The following PXDNL variants were observed in gnomAD, a reference collection of about 807,000 sequenced individuals.
PXDNL encodes probable oxidoreductase PXDNL.
PXDNL carries 145 observed loss-of-function variants against 150.8 expected under a neutral mutation model. The ratio of observed to expected loss-of-function variants is 0.96; its 90% confidence interval spans 0.84 to 1.10. The LOEUF is 1.10. Among genes scored for constraint, PXDNL ranks in the 50% least tolerant of loss-of-function variants. PXDNL has a pLI of 0.00. For synonymous variants in PXDNL, 757 were observed against 725.7 expected (o/e 1.04, Z -0.69); for missense variants, 2,087 against 1,873.9 (o/e 1.11, Z -2.10).
chr8:51,767,223 C>T (rs1414600950), intron 1 of PXDNL, among the ~76,000 whole-genome samples: 1 of 151,904 alleles, frequency 6.6e-6, no homozygotes, highest in Non-Finnish European at 1.5e-5. Flanking sequence ...ATACTTTCCT[C>T]TTTCCTATAT....
At chr8:51,378,390 G>A (rs2130802408) in intron 17 of PXDNL, among the ~76,000 whole-genome samples, 1 of 152,276 alleles carries the variant, frequency 6.6e-6, no homozygotes, top group East Asian at 1.9e-4. Context: ...CTAATCTAGT[G>A]AGGACTTGGA....
chr8:51,448,256 G>A (rs998496000), intron 11 of PXDNL, among the ~76,000 whole-genome samples: 1 of 152,192 alleles, frequency 6.6e-6, no homozygotes, highest in Non-Finnish European at 1.5e-5. Flanking sequence ...GTGGGGCATA[G>A]GGGGTTAGAT....
chr8:51,340,472 T>TA (rs1805955533), intron 20 of PXDNL, among the ~76,000 whole-genome samples: 1 of 152,268 alleles, frequency 6.6e-6, no homozygotes, highest in South Asian at 2.1e-4. Flanking sequence ...CAAGTGCTCT[T>TA]ACGTTTTTCC....
chr8:51,703,114 T>G (rs1376091044), intron 1 of PXDNL, among the ~76,000 whole-genome samples: 1 of 152,212 alleles, frequency 6.6e-6, no homozygotes, highest in Admixed American at 6.5e-5. Flanking sequence ...GTATACTGTG[T>G]GCAAAGCTGC....
intron 17 of PXDNL, among the ~76,000 whole-genome samples, chr8:51,378,291 T>A (rs1807409691): frequency 6.6e-6 from 1 of 152,092 alleles, no homozygotes; most frequent in Admixed American, 6.5e-5. Flanking sequence ...ATCAGCACTC[T>A]GTGTCTAGCT....
rs757155223 is a variant in PXDNL, at chr8:51,644,145, C to A, written c.236+10544G>T. Among the ~76,000 whole-genome samples the A allele has an allele frequency of 5.2e-4, 77 of 149,174 alleles. 1 individual carries two copies. Among genetic ancestry groups the A allele is most frequent in the African/African-American group, 1.2e-3 (49 of 40,760 alleles). ...TGGGCAACAGCGTGAGACTCCATCT[C>A]AAAAAAATAAATAAATAAATAAAGT... is the stretch of plus-strand genomic sequence containing the variant. On this transcript the variant is annotated intron_variant, in intron 2 of 22. Transcript: ENST00000356297.
chr8:51,428,005 T>G (rs949867679), intron 12 of PXDNL, among the ~76,000 whole-genome samples: 4 of 152,178 alleles, frequency 2.6e-5, no homozygotes, highest in Non-Finnish European at 5.9e-5. Context: ...TACTCCAAAG[T>G]GAGTTCACCA....
At chr8:51,730,185 A>G (rs1816891477) in intron 1 of PXDNL, among the ~76,000 whole-genome samples, 2 of 135,432 alleles carry the variant, frequency 1.5e-5, no homozygotes, top group Admixed American at 1.6e-4. Context: ...CAGGGTATTG[A>G]CAGGGGGTAG....
chr8:51,579,555 C>A (rs1313304852), intron 3 of PXDNL, among the ~76,000 whole-genome samples: 1 of 151,912 alleles, frequency 6.6e-6, no homozygotes, highest in Non-Finnish European at 1.5e-5. Flanking sequence ...ACCAAACATC[C>A]AATTACCATG....
chr8:51,600,257 T>C (rs566542400), intron 2 of PXDNL, among the ~76,000 whole-genome samples: 2 of 133,328 alleles, frequency 1.5e-5, no homozygotes, highest in African/African-American at 2.9e-5. Context: ...TTATATCTCA[T>C]ATAAATTATA....
intron 6 of PXDNL, among the ~76,000 whole-genome samples, chr8:51,482,486 C>T (rs1810624952): frequency 6.6e-6 from 1 of 152,108 alleles, no homozygotes; most frequent in East Asian, 1.9e-4. Context: ...TTTGGGGGAC[C>T]GTTGGGAAGG....
At chr8:51,549,719 A>G (rs1055633018) in intron 4 of PXDNL, among the ~76,000 whole-genome samples, 2 of 145,462 alleles carry the variant, frequency 1.4e-5, no homozygotes, top group Admixed American at 7.0e-5. Context: ...AAATGCATAA[A>G]TCAAAAAATC....
In PXDNL at chr8:51,482,542, A is replaced by AG. The variant is rs935369071; in HGVS notation, c.524+1100dup. Among the ~76,000 whole-genome samples the AG allele has an allele frequency of 9.3e-4, 138 of 148,374 alleles. 2 individuals carry two copies. The highest frequency in any genetic ancestry group is 3.4e-3 in the African/African-American group (130 of 37,888). ...GAGGATATGAGATTTGGGAGGGGCC[A>AG]GGGGCGGAATGATATGGTTTGGCTG... On this transcript the variant is annotated intron_variant, in intron 6 of 22. Coordinates refer to ENST00000356297, the MANE Select transcript of PXDNL (RefSeq NM_144651.5).
chr8:51,679,795 G>C (rs1268113347), intron 1 of PXDNL, among the ~76,000 whole-genome samples: 1 of 152,098 alleles, frequency 6.6e-6, no homozygotes, highest in Non-Finnish European at 1.5e-5. Flanking sequence ...CCTGATAAGT[G>C]CTCATTTCAT....
At chr8:51,415,777 A>G (rs1300086098) in intron 14 of PXDNL, among the ~76,000 whole-genome samples, 1 of 152,140 alleles carries the variant, frequency 6.6e-6, no homozygotes, top group Non-Finnish European at 1.5e-5. Flanking sequence ...AAAATATATA[A>G]TACTTAGATG....
intron 19 of PXDNL, among the ~76,000 whole-genome samples, chr8:51,370,922 G>A (rs917888441): frequency 6.6e-6 from 1 of 152,142 alleles, no homozygotes; most frequent in African/African-American, 2.4e-5. Context: ...TTCTAGCAGT[G>A]GCTTTCAATT....
At chr8:51,647,194 C>T (rs1293793845) in intron 2 of PXDNL, among the ~76,000 whole-genome samples, 1 of 151,942 alleles carries the variant, frequency 6.6e-6, no homozygotes. Context: ...ATTAGTAAAG[C>T]CCACGCCTTA....
rs546123867 is a variant in PXDNL at position 51,607,903 on chromosome 8, A to AG, written c.237-15206dup. On this transcript the variant is annotated intron_variant, in intron 2 of 22. Transcript: ENST00000356297. ...AAGGAAGGAAGGAAGGAAGGTGGGGAGGGAGGGAGGGAAGGAAGGAAGGAA... is the reference window on the plus strand; with the variant it reads ...AAGGAAGGAAGGAAGGAAGGTGGGGAGGGGAGGGAGGGAAGGAAGGAAGGAA... Among the ~76,000 whole-genome samples, 419 of 105,748 alleles carry AG rather than the reference A, an allele frequency of 4.0e-3. 4 individuals are homozygous for AG. Among genetic ancestry groups the AG allele is most frequent in the Middle Eastern group, 8.2e-3 (2 of 244 alleles). The allele number at this position is 105,748 out of a possible 152,430, so 69.4% of individuals were successfully genotyped here. A position where few individuals can be genotyped will look rare whatever the true frequency, so the allele number is the denominator to read the frequency against.
chr8:51,578,015 A>AAG (rs1163502043), intron 3 of PXDNL, among the ~76,000 whole-genome samples: 9 of 113,182 alleles, frequency 8.0e-5, no homozygotes, highest in East Asian at 2.2e-4. Context: ...GGAAGGAAGG[A>AAG]AGGAAGGAAG....
Sources: gnomAD v4.1 joint callset for allele counts (sites outside exome capture counted in the v4.1 genomes callset) on GRCh38, gnomAD v4.1.1 for gene constraint, MANE v1.5 for transcripts, NCBI Gene and HGNC (gene_info 2026-07-23, HGNC 2026-07-21) for gene names.